TTC24: variants seen among roughly 807,000 people sequenced by gnomAD.
TTC24 encodes the protein tetratricopeptide repeat domain 24, also known as tetratricopeptide repeat protein 24.
TTC24 carries 54 observed loss-of-function variants against 63.3 expected under a neutral mutation model. The observed-to-expected ratio is 0.85, with a 90% confidence interval of 0.69 to 1.07. The LOEUF is 1.07. TTC24 is among the 50% of genes least tolerant of loss of function. TTC24 has a pLI of 0.00. For synonymous variants in TTC24, 276 were observed against 304.3 expected, an observed-to-expected ratio of 0.91 and a Z score of 0.97; for missense variants, 680 against 730.5, an observed-to-expected ratio of 0.93 and a Z score of 0.80.
intron 1 of TTC24, 139 bp from the exon 2 acceptor site, chr1:156,581,220 CAA>C: frequency 1.7e-6 from 1 of 583,278 alleles, no homozygotes; most frequent in Non-Finnish European, 2.9e-6. Flanking sequence ...ACAGAAGAAA[CAA>C]AGTGAGAGAT....
At position 156,583,529 on chromosome 1, in the gene TTC24, T is replaced by C; in HGVS notation, c.1152+79T>C. 8.3e-7 allele frequency: 1 copy of C among 1,205,120 alleles called. No individual in the cohort carries two copies. Among genetic ancestry groups the C allele is most frequent in the South Asian group, 1.5e-5 (1 of 68,452 alleles). 74.7% of individuals were successfully genotyped at this position (1,205,120 alleles called of 1,614,324 possible). A position where few individuals can be genotyped will look rare whatever the true frequency, so the allele number is the denominator to read the frequency against. On this transcript the variant is annotated intron_variant, in intron 5 of 10. Transcript: ENST00000368236. This position sits in a 1 kb window ranked among gnomAD's most constrained non-coding sequence, Gnocchi z 4.0. Reference sequence around the variant, plus strand: ...GACATTCCTGCCTTCACTCCTTGTCTTCTCCCCATCACTCACTCAATCAGC... The same window carrying C: ...GACATTCCTGCCTTCACTCCTTGTCCTCTCCCCATCACTCACTCAATCAGC...
chr1:156,582,546 G>A (rs1053495149), intron 3 of TTC24, 112 bp downstream of exon 3: 15 of 925,860 alleles, frequency 1.6e-5, no homozygotes, highest in Non-Finnish European at 2.3e-5. Context: ...TATGGAGCCT[G>A]AAAATCCAGA....
Position 156,581,823 on chromosome 1 carries a change from G to A in TTC24, c.459G>A (p.Gln153=). 1 of 1,551,184 alleles carries A rather than the reference G, an allele frequency of 6.4e-7. No individual in the cohort carries two copies. The highest frequency in any genetic ancestry group is 1.2e-5 in the South Asian group (1 of 84,064). ...GCCACTACCAGCCACAGGGTGACCA[G>A]GGAGAAGCCTGGGCAAAAATGGGAG... is the stretch of plus-strand genomic sequence containing the variant. The part of the protein sequence containing the change: ...ALGHYQPQGD[Q]GEAWAKMGAC... Residue 153 remains glutamine (Q), a synonymous_variant, in exon 2 of 11, where the codon CAG becomes CAA. Transcript: ENST00000368236.
intron 7 of TTC24, 38 bp downstream of exon 7, chr1:156,585,012 C>G: frequency 6.5e-7 from 1 of 1,548,522 alleles, no homozygotes; most frequent in South Asian, 1.2e-5. Flanking sequence ...TGCATGCGCC[C>G]TCTGCAGGGT....
Position 156,581,897 on chromosome 1 carries a change from A to T in TTC24, c.533A>T (p.Gln178Leu). 6.5e-7 allele frequency: 1 copy of T among 1,547,548 alleles called. No individual in the cohort carries two copies. Among genetic ancestry groups the T allele is most frequent in the Non-Finnish European group, 8.7e-7 (1 of 1,144,612 alleles). ...GQPELAAHCL[Q>L]EASQAYAQER... ...CCTGAGCTAGCAGCCCACTGCCTGC[A>T]GGAAGCAAGCCAGGCCTATGCTCAA... The change falls in exon 2 of 11, where the codon CAG becomes CTG. Residue 178 changes from glutamine to leucine, a missense_variant. Gln to Leu is a moderately radical substitution (Grantham distance 113). Coordinates refer to ENST00000368236, the MANE Select transcript of TTC24 (RefSeq NM_001105669.4).
In TTC24 at chr1:156,581,926, A is replaced by G. The variant is rs1434278355; in HGVS notation, c.562A>G (p.Arg188Gly). 1 of 1,545,400 alleles carries G rather than the reference A, an allele frequency of 6.5e-7. No individual in the cohort carries two copies. The highest frequency in any genetic ancestry group is 2.4e-5 in the East Asian group (1 of 40,840). ...QEASQAYAQE[R>G]QLRAAALALG... is the part of the protein sequence containing the mutation. ...AGCAAGCCAGGCCTATGCTCAAGAG[A>G]GACAGCTGCGGGCCGCAGCCCTGGC... The change falls in exon 2 of 11, where the codon AGA (arginine) becomes GGA (glycine). Residue 188 changes from arginine to glycine, a missense_variant. Physicochemically the swap from Arg to Gly is moderately radical, Grantham distance 125 (BLOSUM62 -2). Transcript: ENST00000368236.
intron 7 of TTC24, 71 bp from the exon 8 acceptor site, chr1:156,585,054 A>T: frequency 6.5e-7 from 1 of 1,547,432 alleles, no homozygotes; most frequent in South Asian, 1.2e-5. Context: ...GTAGGACCCC[A>T]TGTGTATCCC....
At position 156,585,835 on chromosome 1, in the gene TTC24, T is replaced by G. The variant is rs368334188; in HGVS notation, c.1570+9T>G. On this transcript the variant is annotated intron_variant, in intron 9 of 10. Transcript: ENST00000368236. ...CAAAGCCTCCATCTATAGTGAGCAG[T>G]GCATCCCCTGACACCGCCCCAACTC... 302 of 1,606,322 alleles carry G rather than the reference T, an allele frequency of 1.9e-4. No homozygotes were observed. The highest frequency in any genetic ancestry group is 2.5e-4 in the Non-Finnish European group (292 of 1,172,906).
intron 2 of TTC24, 43 bp from the exon 3 acceptor site, chr1:156,582,188 T>C: frequency 6.6e-7 from 1 of 1,517,098 alleles, no homozygotes; most frequent in Non-Finnish European, 8.9e-7. Context: ...CAGCCTCATT[T>C]ATATCTGGTC....
At chr1:156,580,984 G>T (rs1161435551) in intron 1 of TTC24, among the ~76,000 whole-genome samples, 1 of 152,134 alleles carries the variant, frequency 6.6e-6, no homozygotes, top group Non-Finnish European at 1.5e-5. Flanking sequence ...CCTGCAAGTT[G>T]CTCCAAATCT....
At chr1:156,584,045 T>C in intron 6 of TTC24, 150 bp downstream of exon 6, 1 of 624,162 alleles carries the variant, frequency 1.6e-6, no homozygotes, top group Non-Finnish European at 2.9e-6. Flanking sequence ...ATGAGATATA[T>C]CACTTTCCAA....
Position 156,586,877 on chromosome 1 carries a change from C to A in TTC24, c.*327C>A, listed in dbSNP as rs1677189360. Reference sequence around the variant, plus strand: ...AAAAACTGACTTCGTGGTCAAGTAGCTTTGGAGTCACTGACTGTCTCCAGA... The same window carrying A: ...AAAAACTGACTTCGTGGTCAAGTAGATTTGGAGTCACTGACTGTCTCCAGA... On this transcript the variant is annotated 3_prime_UTR_variant, in exon 11 of 11. Coordinates refer to ENST00000368236, the MANE Select transcript of TTC24 (RefSeq NM_001105669.4). 8.7e-6 allele frequency: 2 copies of A among 230,560 alleles called. No homozygotes were observed. Among genetic ancestry groups the A allele is most frequent in the Non-Finnish European group, 1.8e-5 (2 of 113,424 alleles). 14.3% of individuals were successfully genotyped at this position (230,560 alleles called of 1,614,324 possible). A position where few individuals can be genotyped will look rare whatever the true frequency, so the allele number is the denominator to read the frequency against.
At chr1:156,585,367 G>C in intron 8 of TTC24, 136 bp downstream of exon 8, 1 of 715,262 alleles carries the variant, frequency 1.4e-6, no homozygotes, top group East Asian at 2.8e-5. Flanking sequence ...TTGAGGCCTG[G>C]CACAACCTCG....
In TTC24 at chr1:156,581,877, G is replaced by T; in HGVS notation, c.513G>T (p.Glu171Asp). ...GACYQALGQPELAAHCLQEAS... is the reference protein window; with the variant it reads ...GACYQALGQPDLAAHCLQEAS... ...GCTACCAGGCTCTGGGACAGCCTGA[G>T]CTAGCAGCCCACTGCCTGCAGGAAG... The change falls in exon 2 of 11, where the codon GAG (glutamate) becomes GAT (aspartate). Residue 171 changes from glutamate to aspartate, a missense_variant. Physicochemically the swap from Glu to Asp is conservative, Grantham distance 45. Coordinates refer to ENST00000368236, the MANE Select transcript of TTC24 (RefSeq NM_001105669.4). 1 of 1,548,124 alleles carries T rather than the reference G, an allele frequency of 6.5e-7. No individual in the cohort carries two copies. Among genetic ancestry groups the T allele is most frequent in the Non-Finnish European group, 8.7e-7 (1 of 1,144,736 alleles).
rs1465414759 is a variant in TTC24, at chr1:156,581,469, C to A, written c.105C>A (p.Ser35Arg). ...GAAAGTGGCTGCGGCAAGAAGCCAG[C>A]ATCCAAGCCCTCACCAGGGCTGGCC... ...KKRKWLRQEA[S>R]IQALTRAGHG... The change falls in exon 2 of 11, where the codon AGC (serine) becomes AGA (arginine). Residue 35 changes from serine to arginine, a missense_variant. Transcript: ENST00000368236. 3.9e-6 allele frequency: 6 copies of A among 1,550,832 alleles called. No individual in the cohort carries two copies. The East Asian group carries it at 1.5e-4, about 38-fold the overall frequency.
chr1:156,584,557 G>A (rs1677099645), intron 6 of TTC24: 2 of 297,512 alleles, frequency 6.7e-6, no homozygotes, highest in Non-Finnish European at 1.2e-5. Flanking sequence ...GCAGAGGATT[G>A]GATTGAGGGG....
chr1:156,582,667 G>T (rs1023059248), intron 3 of TTC24, among the ~76,000 whole-genome samples: 19 of 152,208 alleles, frequency 1.2e-4, no homozygotes, highest in African/African-American at 4.6e-4. Context: ...TGGGCAGGGG[G>T]AAGGGTACTG....
chr1:156,582,322 C>T lies in TTC24; in HGVS notation c.798C>T (p.Cys266=), dbSNP rs764218219. 3.1e-6 allele frequency: 5 copies of T among 1,601,194 alleles called. No homozygotes were observed. The Admixed American group carries it at 6.9e-5, about 22-fold the overall frequency. Residue 266 remains cysteine (C), a synonymous_variant, in exon 3 of 11, where the codon TGC becomes TGT. Coordinates refer to ENST00000368236, the MANE Select transcript of TTC24 (RefSeq NM_001105669.4). ...CCTTCCTGCAGGCCCTGCCCCTGTG[C>T]TGGGTGCCAGGAGAGCAGGCCACAG... The part of the protein sequence containing the change: ...VEAFLQALPL[C]WVPGEQATVL...
At position 156,584,924 on chromosome 1, in the gene TTC24, G is replaced by C. The variant is rs532735423; in HGVS notation, c.1299G>C (p.Ala433=). 1 of 1,603,698 alleles carries C rather than the reference G, an allele frequency of 6.2e-7. No individual in the cohort carries two copies. Among genetic ancestry groups the C allele is most frequent in the Non-Finnish European group, 8.5e-7 (1 of 1,175,468 alleles). ...RLQAPGGASQ[A]EGTPAKAGSS... ...AGGCTCCAGGTGGGGCCAGCCAGGC[G>C]GAGGGGACCCCAGCAAAGGCAGGAA... Residue 433 remains alanine, a synonymous_variant, in exon 7 of 11, where the codon GCG becomes GCC. Coordinates refer to ENST00000368236, the MANE Select transcript of TTC24 (RefSeq NM_001105669.4).
Sources: gnomAD v4.1 joint callset for allele counts (sites outside exome capture counted in the v4.1 genomes callset) on GRCh38, gnomAD v4.1.1 for gene constraint, Gnocchi (gnomAD v3.1) non-coding constraint, MANE v1.5 for transcripts, NCBI Gene and HGNC (gene_info 2026-07-23, HGNC 2026-07-21) for gene names.